ESPN: variants seen among roughly 807,000 people sequenced by gnomAD.
ESPN encodes autosomal recessive deafness type 36 protein.
Under a neutral mutation model 77.7 loss-of-function variants are expected in ESPN, and 68 were observed. That is an observed-to-expected ratio of 0.87 (90% CI 0.72 to 1.07). The LOEUF (loss-of-function observed/expected upper bound fraction) is 1.07. Among genes scored for constraint, ESPN ranks in the 50% least tolerant of loss-of-function variants. The probability of loss-of-function intolerance (pLI) is 0.00; values close to 1 mark genes in which losing one functional copy is unlikely to be tolerated. For missense variants in ESPN, 1,060 were observed against 1,239.0 expected (o/e 0.86, Z 2.17); for synonymous variants, 449 against 567.1 (o/e 0.79, Z 2.96).
intron 12 of ESPN, among the ~76,000 whole-genome samples, chr1:6,457,620 A>G (rs1343630770): frequency 1.3e-5 from 2 of 151,952 alleles, no homozygotes; most frequent in African/African-American, 2.4e-5. Context: ...CCCACTATCA[A>G]TCACCTTGAT....
chr1:6,435,364 T>A (rs910505445), intron 2 of ESPN, among the ~76,000 whole-genome samples: 1 of 152,224 alleles, frequency 6.6e-6, no homozygotes, highest in African/African-American at 2.4e-5. Flanking sequence ...GCGGCGGCGC[T>A]GGCAGTCAGC....
chr1:6,454,736 G>A (rs1419338265), intron 10 of ESPN: 1 of 398,334 alleles, frequency 2.5e-6, no homozygotes. Context: ...GGTGCAGCAA[G>A]ATCTCCACGT....
At chr1:6,426,437 G>A (rs993881030) in intron 1 of ESPN, among the ~76,000 whole-genome samples, 1 of 148,162 alleles carries the variant, frequency 6.7e-6, no homozygotes, top group African/African-American at 2.4e-5. Flanking sequence ...CCAGCTTATC[G>A]TCTCCTGCCC....
At position 6,460,645 on chromosome 1, in the gene ESPN, C is replaced by G. The variant is rs1289979322; in HGVS notation, c.*499C>G. 6.0e-6 allele frequency: 1 copy of G among 165,662 alleles called. No individual in the cohort carries two copies. Among genetic ancestry groups the G allele is most frequent in the Non-Finnish European group, 1.3e-5 (1 of 75,812 alleles). The allele number at this position is 165,662 out of a possible 1,614,324, so 10.3% of individuals were successfully genotyped here. A position where few individuals can be genotyped will look rare whatever the true frequency, so the allele number is the denominator to read the frequency against. On this transcript the variant is annotated 3_prime_UTR_variant, in exon 13 of 13. Transcript: ENST00000645284. ...GCGCGGCCTAGCCCGGGCCTCATTT[C>G]TTATCCCCGCCAAGGGTTTCCTCTC...
At chr1:6,455,279 C>A in intron 10 of ESPN, 1 of 388,830 alleles carries the variant, frequency 2.6e-6, no homozygotes, top group Non-Finnish European at 4.6e-6. Context: ...GCAAGGAGCG[C>A]ATCGTTTACC....
chr1:6,444,351 A>G, intron 5 of ESPN, 130 bp from the exon 6 acceptor site: 1 of 860,030 alleles, frequency 1.2e-6, no homozygotes, highest in South Asian at 1.4e-5. Context: ...GTGATGGGGA[A>G]GAGACCCCAG....
intron 12 of ESPN, 59 bp downstream of exon 12, chr1:6,457,431 C>A: frequency 6.2e-7 from 1 of 1,611,950 alleles, no homozygotes; most frequent in South Asian, 1.1e-5. Flanking sequence ...CGCAGAGGGT[C>A]GTCCCTTCAT....
chr1:6,459,899 G>A (rs1478941594), intron 12 of ESPN, 100 bp from the exon 13 acceptor site: 2 of 1,491,200 alleles, frequency 1.3e-6, no homozygotes, highest in African/African-American at 2.7e-5. Flanking sequence ...CCTTGCATGG[G>A]TGACCTGGCC....
Position 6,451,304 on chromosome 1 carries a change from G to A in ESPN, c.1916-299G>A. ...TTTGGAGCTGGGCAGTCAGTGGCTG[G>A]GCGGGGACATATGCCCAAGAGCCAC... On this transcript the variant is annotated intron_variant, in intron 8 of 12. Transcript: ENST00000645284. This position sits in a 1 kb window ranked among gnomAD's most constrained non-coding sequence, Gnocchi z 4.3. 1 of 487,918 alleles carries A rather than the reference G, an allele frequency of 2.0e-6. No homozygotes were observed. The highest frequency in any genetic ancestry group is 2.1e-5 in the South Asian group (1 of 48,604). The allele number at this position is 487,918 out of a possible 1,614,324, so 30.2% of individuals were successfully genotyped here.
chr1:6,448,794 A>G lies in ESPN; in HGVS notation c.1618A>G (p.Ser540Gly). 3.7e-6 allele frequency: 5 copies of G among 1,362,662 alleles called. No individual in the cohort carries two copies. Among genetic ancestry groups the G allele is most frequent in the East Asian group, 3.1e-5 (1 of 32,260 alleles). 84.4% of individuals were successfully genotyped at this position (1,362,662 alleles called of 1,614,324 possible). ...GGCCGCACGCCCGGGCATGGCGCAC[A>G]GCGAGGAGGTGCGTGCCCGCCAGCC... is the stretch of plus-strand genomic sequence containing the variant. ...TLAARPGMAH[S>G]EEVRARQPAR... Residue 540 changes from serine (S) to glycine (G), a missense_variant, in exon 8 of 13, where the codon AGC becomes GGC. Coordinates refer to ENST00000645284, the MANE Select transcript of ESPN (RefSeq NM_031475.3).
rs1428327742 is a variant in ESPN, at chr1:6,444,607, C to T, written c.1117C>T (p.Pro373Ser). 5 of 1,614,084 alleles carry T rather than the reference C, an allele frequency of 3.1e-6. No homozygotes were observed. The South Asian group carries it at 4.4e-5, about 14-fold the overall frequency. ...VQPLNFDLSS[P>S]TSTLSNYDSC... ...GCCGCTGAACTTTGACCTCAGCTCG[C>T]CTACCAGCACCCTCTCCAACTACGA... Residue 373 changes from proline (P) to serine (S), a missense_variant, in exon 6 of 13, where the codon CCT (proline) becomes TCT (serine). Physicochemically the swap from Pro to Ser is moderately conservative, Grantham distance 74. Around this residue, in one of 3 missense-constraint regions of ESPN, gnomAD observed 556 missense variants for 633.6 expected, o/e 0.88. Transcript: ENST00000645284.
At chr1:6,454,529 C>G (rs1210777485) in intron 10 of ESPN, 2 of 398,888 alleles carry the variant, frequency 5.0e-6, no homozygotes, top group African/African-American at 2.1e-5. Flanking sequence ...AGCTTATGAC[C>G]GAAGCCGACA....
rs1381893131 is a variant in ESPN, at chr1:6,448,970, G to A, written c.1794G>A (p.Pro598=). The A allele has an allele frequency of 7.2e-5, 101 of 1,406,390 alleles. No individual in the cohort carries two copies. Among genetic ancestry groups the A allele is most frequent in the Non-Finnish European group, 9.0e-5 (97 of 1,078,504 alleles). The allele number at this position is 1,406,390 out of a possible 1,614,324, so 87.1% of individuals were successfully genotyped here. A position where few individuals can be genotyped will look rare whatever the true frequency, so the allele number is the denominator to read the frequency against. Residue 598 remains proline (P), a synonymous_variant, in exon 8 of 13, where the codon CCG becomes CCA. Coordinates refer to ENST00000645284, the MANE Select transcript of ESPN (RefSeq NM_031475.3). ...DPKASRELPP[P]PPPPPPPLPE... ...AGGCGTCCAGGGAGCTGCCACCGCC[G>A]CCCCCACCGCCGCCGCCGCCCCTGC... is the stretch of plus-strand genomic sequence containing the variant.
rs1279838230 is a variant in ESPN, at chr1:6,450,243, G to A, written c.1915+1152G>A. 6.5e-6 allele frequency: 1 copy of A among 153,034 alleles called. No individual in the cohort carries two copies. The highest frequency in any genetic ancestry group is 2.4e-5 in the African/African-American group (1 of 41,444). 9.5% of individuals were successfully genotyped at this position (153,034 alleles called of 1,614,324 possible). A position where few individuals can be genotyped will look rare whatever the true frequency, so the allele number is the denominator to read the frequency against. On this transcript the variant is annotated intron_variant, in intron 8 of 12. Coordinates refer to ENST00000645284, the MANE Select transcript of ESPN (RefSeq NM_031475.3). This position sits in a 1 kb window ranked among gnomAD's most constrained non-coding sequence, Gnocchi z 4.3. ...CCCAGCCCTCAGGGGCACCAGCCAAGCCAGGAACTCGATGGACCACCCTCA... is the reference window on the plus strand; with the variant it reads ...CCCAGCCCTCAGGGGCACCAGCCAAACCAGGAACTCGATGGACCACCCTCA...
In ESPN at chr1:6,425,254, G is replaced by A. The variant is rs766743388; in HGVS notation, c.294+5G>A. 6.4e-7 allele frequency: 1 copy of A among 1,568,012 alleles called. No individual in the cohort carries two copies. Among genetic ancestry groups the A allele is most frequent in the Admixed American group, 1.8e-5 (1 of 56,812 alleles). On this transcript the variant is annotated splice_donor_5th_base_variant and intron_variant, in intron 1 of 12. Transcript: ENST00000645284. Reference sequence around the variant, plus strand: ...CAGGGCGGCTGCAGAGTGCAGGTGGGTCCGCGCGGTTCGCCAGGGGCACTG... The same window carrying A: ...CAGGGCGGCTGCAGAGTGCAGGTGGATCCGCGCGGTTCGCCAGGGGCACTG...
At chr1:6,440,522 G>C (rs1270373373) in intron 3 of ESPN, 82 bp downstream of exon 3, 2 of 1,169,294 alleles carry the variant, frequency 1.7e-6, no homozygotes, top group East Asian at 2.9e-5. Flanking sequence ...GGGCCATCAG[G>C]GGTGGGGCGG....
At chr1:6,442,867 C>CAAAAAA (rs35404098) in intron 5 of ESPN, among the ~76,000 whole-genome samples, 1 of 51,192 alleles carries the variant, frequency 2.0e-5, no homozygotes, top group Non-Finnish European at 3.7e-5. Context: ...GACGCTGTCT[C>CAAAAAA]AAAAAAAAAA....
In ESPN at chr1:6,451,638, G is replaced by C. The variant is rs770916499; in HGVS notation, c.1951G>C (p.Asp651His). ...KSFNMMSPTG[D>H]NSELLAEIKA... ...TTTCAACATGATGTCCCCGACGGGC[G>C]ACAACTCGGAGCTACTGGCTGAGAT... Residue 651 changes from aspartate (D) to histidine (H), a missense_variant, in exon 9 of 13, where the codon GAC (aspartate) becomes CAC (histidine). Around this residue, in one of 3 missense-constraint regions of ESPN, gnomAD observed 374 missense variants for 381.4 expected, o/e 0.98. Transcript: ENST00000645284. The surrounding 1 kb of genome is among the most constrained non-coding windows in gnomAD (Gnocchi z 4.3). 2.5e-6 allele frequency: 4 copies of C among 1,613,050 alleles called. No homozygotes were observed. Among genetic ancestry groups the C allele is most frequent in the Non-Finnish European group, 3.4e-6 (4 of 1,179,920 alleles).
chr1:6,440,606 T>TGCCCCCC lies in ESPN; in HGVS notation c.676-20_676-19insGCCCCCC. On this transcript the variant is annotated intron_variant, in intron 3 of 12. Coordinates refer to ENST00000645284, the MANE Select transcript of ESPN (RefSeq NM_031475.3). ...CTGGCGCCCAGCCCCCGCCCCCCTC[T>TGCCCCCC]CCCCGCCCGTCCCGCCCAGGTGAGC... 1.1e-6 allele frequency: 1 copy of TGCCCCCC among 870,490 alleles called. No homozygotes were observed. The highest frequency in any genetic ancestry group is 1.7e-6 in the Non-Finnish European group (1 of 588,352). The allele number at this position is 870,490 out of a possible 1,614,324, so 53.9% of individuals were successfully genotyped here.
Sources: gnomAD v4.1 joint callset for allele counts (sites outside exome capture counted in the v4.1 genomes callset) on GRCh38, gnomAD v4.1.1 for gene constraint, gnomAD v4.1.1 regional missense constraint, Gnocchi (gnomAD v3.1) non-coding constraint, MANE v1.5 for transcripts, NCBI Gene and HGNC (gene_info 2026-07-23, HGNC 2026-07-21) for gene names.